Variants in FAM135B observed in about 807,000 individuals in gnomAD.
FAM135B encodes protein FAM135B.
Under a neutral mutation model 127.7 loss-of-function variants are expected in FAM135B, and 43 were observed. The observed-to-expected ratio is 0.34, with a 90% CI of 0.26 to 0.43. The LOEUF (loss-of-function observed/expected upper bound fraction) is 0.43, where lower values mean the gene tolerates loss of function less well. Among genes scored for constraint, FAM135B ranks in the 20% least tolerant of loss-of-function variants. FAM135B has a pLI of 1.00. For synonymous variants in FAM135B, 670 were observed against 665.1 expected (o/e 1.01, Z -0.11); for missense variants, 1,558 against 1,725.6 (o/e 0.90, Z 1.72).
At chr8:138,265,215 C>A (rs1822821669) in intron 4 of FAM135B, among the ~76,000 whole-genome samples, 1 of 152,160 alleles carries the variant, frequency 6.6e-6, no homozygotes, top group Non-Finnish European at 1.5e-5. Context: ...CCAGCTTTGT[C>A]ATCTCCACAG....
intron 9 of FAM135B, among the ~76,000 whole-genome samples, chr8:138,189,150 C>T (rs1815876994): frequency 6.6e-6 from 1 of 152,184 alleles, no homozygotes; most frequent in Admixed American, 6.5e-5. Context: ...TCCCCAGAGA[C>T]TATGGTTGCA....
At chr8:138,325,471 C>G (rs545184552) in intron 2 of FAM135B, among the ~76,000 whole-genome samples, 4 of 152,120 alleles carry the variant, frequency 2.6e-5, no homozygotes, top group Admixed American at 6.6e-5. Flanking sequence ...CAAAGGAAAT[C>G]TGAAACCCAA....
At chr8:138,446,250 G>A (rs541552299) in intron 1 of FAM135B, among the ~76,000 whole-genome samples, 1 of 152,050 alleles carries the variant, frequency 6.6e-6, no homozygotes, top group Non-Finnish European at 1.5e-5. Flanking sequence ...TATAGATTCA[G>A]TGCCATCCCC....
chr8:138,186,246 G>A lies in FAM135B; in HGVS notation c.874-7556C>T, dbSNP rs188764701. ...TCTGTGAACAAATCTATTTCTCATT[G>A]AGCTGCAAGTAAGTCCTGCTTGGTA... On this transcript the variant is annotated intron_variant, in intron 9 of 19. Coordinates refer to ENST00000395297, the MANE Select transcript of FAM135B (RefSeq NM_015912.4). 2.1e-3 allele frequency among the ~76,000 whole-genome samples: 318 copies of A among 152,254 alleles called. 1 individual carries two copies. Among genetic ancestry groups the A allele is most frequent in the Non-Finnish European group, 3.7e-3 (254 of 68,040 alleles).
intron 2 of FAM135B, among the ~76,000 whole-genome samples, chr8:138,316,363 G>A (rs555088517): frequency 1.4e-3 from 219 of 152,148 alleles, no homozygotes; most frequent in African/African-American, 1.9e-3. Context: ...GCGCAGTGGC[G>A]GGCGCCTGTA....
chr8:138,354,223 A>C (rs954411455), intron 2 of FAM135B, among the ~76,000 whole-genome samples: 1 of 152,114 alleles, frequency 6.6e-6, no homozygotes, highest in African/African-American at 2.4e-5. Flanking sequence ...TTATCTATAG[A>C]TACAATCCCA....
chr8:138,420,412 T>C (rs1026747119), intron 1 of FAM135B, among the ~76,000 whole-genome samples: 1 of 152,084 alleles, frequency 6.6e-6, no homozygotes, highest in African/African-American at 2.4e-5. Flanking sequence ...AGTCAAAATT[T>C]ACCAGATATA....
intron 7 of FAM135B, among the ~76,000 whole-genome samples, chr8:138,200,015 G>A (rs1816984585): frequency 6.6e-6 from 1 of 152,158 alleles, no homozygotes; most frequent in Non-Finnish European, 1.5e-5. Context: ...TCCATACTTA[G>A]CCAATTGCTG....
chr8:138,143,756 G>A (rs1366191528), intron 15 of FAM135B, among the ~76,000 whole-genome samples: 1 of 152,144 alleles, frequency 6.6e-6, no homozygotes, highest in Admixed American at 6.5e-5. Context: ...AATAGATTTG[G>A]GGCCAATATC....
intron 1 of FAM135B, among the ~76,000 whole-genome samples, chr8:138,398,544 G>T (rs1832970806): frequency 6.6e-6 from 1 of 152,140 alleles, no homozygotes; most frequent in Non-Finnish European, 1.5e-5. Flanking sequence ...CAGAGAGAAG[G>T]GTTTGGCTCA....
At chr8:138,260,518 A>G (rs1357150977) in intron 4 of FAM135B, among the ~76,000 whole-genome samples, 1 of 152,116 alleles carries the variant, frequency 6.6e-6, no homozygotes, top group Non-Finnish European at 1.5e-5. Flanking sequence ...TCCCTAGTAG[A>G]AGCTTTTCTT....
intron 2 of FAM135B, among the ~76,000 whole-genome samples, chr8:138,323,983 C>T (rs1163423204): frequency 6.6e-6 from 1 of 152,218 alleles, no homozygotes; most frequent in African/African-American, 2.4e-5. Context: ...TCCAACAGGG[C>T]TTGGGGCCAA....
intron 1 of FAM135B, among the ~76,000 whole-genome samples, chr8:138,372,125 G>C (rs1831166881): frequency 6.6e-6 from 1 of 152,226 alleles, no homozygotes; most frequent in Non-Finnish European, 1.5e-5. Context: ...CCTCAGTCTA[G>C]GGTCATCAGT....
chr8:138,295,516 A>G (rs1056280252), intron 3 of FAM135B, among the ~76,000 whole-genome samples: 4 of 152,182 alleles, frequency 2.6e-5, no homozygotes, highest in African/African-American at 9.6e-5. Context: ...TTACACAAAT[A>G]CATGCACACT....
intron 7 of FAM135B, among the ~76,000 whole-genome samples, chr8:138,218,561 T>C (rs1345448646): frequency 6.6e-6 from 1 of 152,166 alleles, no homozygotes; most frequent in African/African-American, 2.4e-5. Flanking sequence ...GACTCATACT[T>C]AGAAATGTTC....
intron 2 of FAM135B, among the ~76,000 whole-genome samples, chr8:138,353,072 G>A (rs1052263272): frequency 4.6e-5 from 7 of 152,100 alleles, no homozygotes; most frequent in Admixed American, 3.3e-4. Flanking sequence ...ACCCATATCC[G>A]ATCACATCAC....
intron 7 of FAM135B, among the ~76,000 whole-genome samples, chr8:138,236,341 A>T (rs998500245): frequency 2.0e-5 from 3 of 152,092 alleles, no homozygotes; most frequent in African/African-American, 7.2e-5. Context: ...CAAAAGCCAA[A>T]ATATGGAAAC....
At chr8:138,212,842 T>C (rs1818245429) in intron 7 of FAM135B, among the ~76,000 whole-genome samples, 1 of 152,236 alleles carries the variant, frequency 6.6e-6, no homozygotes, top group South Asian at 2.1e-4. Flanking sequence ...CAACTCAAAC[T>C]GAACAAGCAA....
chr8:138,287,239 C>G (rs1025397576), intron 3 of FAM135B, among the ~76,000 whole-genome samples: 3 of 151,828 alleles, frequency 2.0e-5, no homozygotes, highest in African/African-American at 7.3e-5. Context: ...GAAAAAGAAG[C>G]AAAAGTTGTA....
Sources: allele counts gnomAD v4.1 joint callset (sites outside exome capture counted in the v4.1 genomes callset), GRCh38; gene constraint gnomAD v4.1.1; transcripts MANE v1.5; gene names NCBI Gene and HGNC (gene_info 2026-07-23, HGNC 2026-07-21).